AHRR: variants seen among roughly 807,000 people sequenced by gnomAD.
AHRR encodes ahR repressor.
A neutral mutation model predicts 44.0 loss-of-function variants in AHRR; 28 were observed. That is an observed-to-expected ratio of 0.64 (90% CI 0.47 to 0.87). The LOEUF (loss-of-function observed/expected upper bound fraction) is 0.87, where lower values mean the gene tolerates loss of function less well. Among genes scored for constraint, AHRR ranks in the 40% least tolerant of loss-of-function variants. The probability of loss-of-function intolerance (pLI) is 0.00; values close to 1 mark genes in which losing one functional copy is unlikely to be tolerated. For missense variants in AHRR, 990 were observed against 953.9 expected (o/e 1.04, Z -0.50); for synonymous variants, 434 against 407.0 (o/e 1.07, Z -0.80).
At chr5:394,872 C>T (rs981220535) in intron 4 of AHRR, among the ~76,000 whole-genome samples, 3 of 152,296 alleles carry the variant, frequency 2.0e-5, no homozygotes, top group South Asian at 2.1e-4. Context: ...ACTTTTGCCC[C>T]GAGTCCTCCC....
chr5:364,883 C>A (rs1327910673), intron 3 of AHRR, among the ~76,000 whole-genome samples: 2 of 152,082 alleles, frequency 1.3e-5, no homozygotes, highest in African/African-American at 4.8e-5. Flanking sequence ...GGGTAAAAAG[C>A]ATCACTGGAG....
At chr5:360,816 A>G (rs143727375) in intron 3 of AHRR, among the ~76,000 whole-genome samples, 1 of 152,348 alleles carries the variant, frequency 6.6e-6, no homozygotes, top group Non-Finnish European at 1.5e-5. Context: ...TGAGATTTCT[A>G]AGCAAAGTGT....
In AHRR at chr5:434,605, C is replaced by T. The variant is rs951790593; in HGVS notation, c.1865C>T (p.Thr622Ile). 5 of 1,567,364 alleles carry T rather than the reference C, an allele frequency of 3.2e-6. No individual in the cohort carries two copies. Among genetic ancestry groups the T allele is most frequent in the African/African-American group, 1.4e-5 (1 of 73,768 alleles). The change falls in exon 11 of 11, where the codon ACA (threonine) becomes ATA (isoleucine). Residue 622 changes from threonine (T) to isoleucine (I), a missense_variant. Transcript: ENST00000684583. ...HPAHCACLEP[T>I]DGLPQSEPPH... Reference sequence around the variant, plus strand: ...GCACACTGTGCCTGCCTGGAGCCCACAGACGGCCTTCCCCAGTCGGAGCCT... The same window carrying T: ...GCACACTGTGCCTGCCTGGAGCCCATAGACGGCCTTCCCCAGTCGGAGCCT...
intron 1 of AHRR, among the ~76,000 whole-genome samples, chr5:335,800 T>C (rs1579590674): frequency 4.6e-5 from 7 of 152,356 alleles, no homozygotes; most frequent in Admixed American, 4.6e-4. Flanking sequence ...AGTTTGTGCC[T>C]GGCCCGCAAC....
chr5:347,893 C>T lies in AHRR; in HGVS notation c.62+3929C>T, dbSNP rs548620841. Among the ~76,000 whole-genome samples, 7 of 152,352 alleles carry T rather than the reference C, an allele frequency of 4.6e-5. No homozygotes were observed. In the East Asian group the frequency reaches 1.2e-3, roughly 25 times the overall value. On this transcript the variant is annotated intron_variant, in intron 2 of 10. Coordinates refer to ENST00000684583, the MANE Select transcript of AHRR (RefSeq NM_001377236.1). ...CATCCCAGCTGTGGCCCTTGATGCA[C>T]CTGAGGGCCGTGTCCAGTGCTCTGG...
At position 342,692 on chromosome 5, in the gene AHRR, C is replaced by G. The variant is rs1742386580; in HGVS notation, c.-10-1201C>G. Among the ~76,000 whole-genome samples the G allele has an allele frequency of 6.6e-6, 1 of 152,204 alleles. No individual in the cohort carries two copies. On this transcript the variant is annotated intron_variant, in intron 1 of 10. Coordinates refer to ENST00000684583, the MANE Select transcript of AHRR (RefSeq NM_001377236.1). This position sits in a 1 kb window ranked among gnomAD's most constrained non-coding sequence, Gnocchi z 4.3. ...TAACTTCCTCCCCAAGGCTTCTGGC[C>G]CAGAGCCTGGCACGGGATGGTTACT...
intron 4 of AHRR, among the ~76,000 whole-genome samples, chr5:390,511 C>T (rs1455136533): frequency 1.3e-5 from 2 of 152,100 alleles, no homozygotes; most frequent in African/African-American, 2.4e-5. Flanking sequence ...CCTAACGATC[C>T]CGGAGAAGCA....
At chr5:398,777 C>T (rs1013188885) in intron 4 of AHRR, among the ~76,000 whole-genome samples, 10 of 152,326 alleles carry the variant, frequency 6.6e-5, no homozygotes, top group South Asian at 2.1e-4. Context: ...GGCCTTCTGC[C>T]GCCAGGCCTG....
At position 434,135 on chromosome 5, in the gene AHRR, C is replaced by G. The variant is rs1464747780; in HGVS notation, c.1395C>G (p.Ser465Arg). 1 of 1,611,616 alleles carries G rather than the reference C, an allele frequency of 6.2e-7. No homozygotes were observed. The highest frequency in any genetic ancestry group is 8.5e-7 in the Non-Finnish European group (1 of 1,179,318). ...PSPSAYSSRT[S>R]RPMRDVGEDQ... is the part of the protein sequence containing the mutation. Reference sequence around the variant, plus strand: ...CCAGTGCCTACTCCAGCCGGACCAGCAGACCCATGCGGGATGTCGGTGAGG... The same window carrying G: ...CCAGTGCCTACTCCAGCCGGACCAGGAGACCCATGCGGGATGTCGGTGAGG... Residue 465 changes from serine (S) to arginine (R), a missense_variant, in exon 11 of 11, where the codon AGC becomes AGG. Physicochemically the swap from Ser to Arg is moderately radical, Grantham distance 110. Transcript: ENST00000684583.
Position 321,910 on chromosome 5 carries a change from G to A in AHRR, c.-11+91G>A, listed in dbSNP as rs1431138984. ...TCCCGGGTGTGGGGCTGAGGGACGG[G>A]CGCCGGCGTCGGGACCCTCCTCACG... On this transcript the variant is annotated intron_variant, in intron 1 of 10. Coordinates refer to ENST00000684583, the MANE Select transcript of AHRR (RefSeq NM_001377236.1). This position sits in a 1 kb window ranked among gnomAD's most constrained non-coding sequence, Gnocchi z 8.3. The A allele has an allele frequency of 6.6e-6, 1 of 152,016 alleles. No individual in the cohort carries two copies. Among genetic ancestry groups the A allele is most frequent in the African/African-American group, 2.4e-5 (1 of 41,412 alleles). The allele number at this position is 152,016 out of a possible 1,614,324, so 9.4% of individuals were successfully genotyped here. A position where few individuals can be genotyped will look rare whatever the true frequency, so the allele number is the denominator to read the frequency against.
At chr5:389,700 C>T (rs1044992902) in intron 4 of AHRR, among the ~76,000 whole-genome samples, 1 of 151,862 alleles carries the variant, frequency 6.6e-6, no homozygotes, top group East Asian at 1.9e-4. Flanking sequence ...TCTGACGGCC[C>T]AGAGAAAGGA....
At position 423,974 on chromosome 5, in the gene AHRR, C is replaced by T. The variant is rs745438621; in HGVS notation, c.705C>T (p.Phe235=). Residue 235 remains phenylalanine (F), a synonymous_variant, in exon 7 of 11, where the codon TTC becomes TTT. Coordinates refer to ENST00000684583, the MANE Select transcript of AHRR (RefSeq NM_001377236.1). ...VRCLLDSTSG[F]LTMQFQGKLK... is the part of the protein sequence containing the mutation. Reference sequence around the variant, plus strand: ...GCCTGCTGGACAGCACCTCGGGCTTCCTGGTGAGTGCGTGGGTCCCTGGCA... The same window carrying T: ...GCCTGCTGGACAGCACCTCGGGCTTTCTGGTGAGTGCGTGGGTCCCTGGCA... 2 of 1,598,988 alleles carry T rather than the reference C, an allele frequency of 1.3e-6. No homozygotes were observed. The highest frequency in any genetic ancestry group is 2.2e-5 in the East Asian group (1 of 44,844).
chr5:361,360 A>G (rs565392275), intron 3 of AHRR, among the ~76,000 whole-genome samples: 1 of 152,346 alleles, frequency 6.6e-6, no homozygotes, highest in East Asian at 1.9e-4. Flanking sequence ...CAGGAGTGGG[A>G]TGGCACCACG....
intron 1 of AHRR, among the ~76,000 whole-genome samples, chr5:330,575 T>G (rs1440602577): frequency 1.3e-5 from 2 of 152,078 alleles, no homozygotes; most frequent in Non-Finnish European, 2.9e-5. Flanking sequence ...CATTTTGCCG[T>G]GTTGGGCAGG....
At chr5:413,306 C>G (rs1735547316) in intron 4 of AHRR, 38 bp from the exon 5 acceptor site, 1 of 1,432,180 alleles carries the variant, frequency 7.0e-7, no homozygotes, top group Admixed American at 2.1e-5. Flanking sequence ...TTGGGTGAGC[C>G]AATTCGATTT....
intron 8 of AHRR, among the ~76,000 whole-genome samples, chr5:431,598 C>T (rs1488010404): frequency 6.6e-6 from 1 of 152,054 alleles, no homozygotes; most frequent in East Asian, 1.9e-4. Context: ...TCCAGCGGCC[C>T]CCAACAGCAG....
At chr5:362,955 G>A (rs886473369) in intron 3 of AHRR, among the ~76,000 whole-genome samples, 5 of 152,214 alleles carry the variant, frequency 3.3e-5, no homozygotes, top group African/African-American at 9.7e-5. Flanking sequence ...GAAGAAACTG[G>A]GATAATCCCA....
intron 4 of AHRR, among the ~76,000 whole-genome samples, chr5:410,503 T>G (rs1310606868): frequency 2.6e-5 from 4 of 152,170 alleles, no homozygotes; most frequent in African/African-American, 9.7e-5. Context: ...TAAGCCACCA[T>G]GCCCAGCCAT....
chr5:352,577 G>A (rs572926267), intron 2 of AHRR, among the ~76,000 whole-genome samples: 3 of 135,666 alleles, frequency 2.2e-5, no homozygotes, highest in Non-Finnish European at 3.3e-5. Flanking sequence ...CAGCTGTAGG[G>A]GATGGTCACT....
Sources: gnomAD v4.1 joint callset for allele counts (sites outside exome capture counted in the v4.1 genomes callset) on GRCh38, gnomAD v4.1.1 for gene constraint, Gnocchi (gnomAD v3.1) non-coding constraint, MANE v1.5 for transcripts, NCBI Gene and HGNC (gene_info 2026-07-23, HGNC 2026-07-21) for gene names.